PROS1: variants seen among roughly 807,000 people sequenced by gnomAD.
The protein encoded by PROS1 is vitamin K-dependent protein S.
In PROS1, 29 loss-of-function variants were observed where a neutral mutation model predicts 75.9. That is an observed-to-expected ratio of 0.38 (90% confidence interval 0.28 to 0.52). The LOEUF (loss-of-function observed/expected upper bound fraction) is 0.52, where lower values mean the gene tolerates loss of function less well. Ranked by LOEUF, PROS1 falls within the 20% of genes least tolerant of loss-of-function variation. PROS1 has a pLI of 0.83. For missense variants in PROS1, 680 were observed against 810.3 expected (o/e 0.84, Z 1.95); for synonymous variants, 245 against 280.6 (o/e 0.87, Z 1.27).
chr3:93,879,463 C>A (rs1708243763), intron 12 of PROS1, 149 bp from the exon 13 acceptor site: 29 of 1,064,754 alleles, frequency 2.7e-5, no homozygotes, highest in Non-Finnish European at 3.8e-5. Flanking sequence ...ATAACCTAGG[C>A]AAAACAAAAC....
chr3:93,924,902 C>T (rs1387270831), intron 2 of PROS1, among the ~76,000 whole-genome samples: 2 of 152,070 alleles, frequency 1.3e-5, no homozygotes, highest in Admixed American at 6.5e-5. Flanking sequence ...CTCCTGGGCT[C>T]AAGCGATCCT....
At chr3:93,968,496 G>T (rs1476837141) in intron 1 of PROS1, among the ~76,000 whole-genome samples, 1 of 152,140 alleles carries the variant, frequency 6.6e-6, no homozygotes, top group African/African-American at 2.4e-5. Context: ...ACTTTCTGTT[G>T]TTTAAACCAC....
chr3:93,905,879 C>T lies in PROS1; in HGVS notation c.506G>A (p.Gly169Glu). 1 of 1,613,104 alleles carries T rather than the reference C, an allele frequency of 6.2e-7. No homozygotes were observed. The highest frequency in any genetic ancestry group is 8.5e-7 in the Non-Finnish European group (1 of 1,179,186). Residue 169 changes from glycine (G) to glutamate (E), a missense_variant, in exon 6 of 15, where the codon GGA becomes GAA. By Grantham distance (98) the Gly-to-Glu change is moderately conservative. Transcript: ENST00000394236. ...ATTATCACAAATTTGACTGCAACCT[C>T]CATTTATATTTGAGGGATCTTTGCA... ...NECKDPSNINGGCSQICDNTP... is the reference protein window; with the variant it reads ...NECKDPSNINEGCSQICDNTP...
At chr3:93,946,937 C>T (rs1330413108) in intron 1 of PROS1, among the ~76,000 whole-genome samples, 1 of 151,516 alleles carries the variant, frequency 6.6e-6, no homozygotes, top group Non-Finnish European at 1.5e-5. Context: ...GGGCTAATAT[C>T]CAGAATCTAC....
Position 93,910,649 on chromosome 3 carries a change from C to A in PROS1, c.316G>T (p.Ala106Ser). ...ACACAGCTTCTTAGGTCAGGATAAGCATTAGTTGACTGACGTGCAGCAGTG... is the reference window on the plus strand; with the variant it reads ...ACACAGCTTCTTAGGTCAGGATAAGAATTAGTTGACTGACGTGCAGCAGTG... ...LFTAARQSTNAYPDLRSCVNA... is the reference protein window; with the variant it reads ...LFTAARQSTNSYPDLRSCVNA... The change falls in exon 4 of 15, where the codon GCT (alanine) becomes TCT (serine). Residue 106 changes from alanine to serine, a missense_variant. Physicochemically the swap from Ala to Ser is moderately conservative, Grantham distance 99. Transcript: ENST00000394236. The A allele has an allele frequency of 1.9e-6, 3 of 1,613,604 alleles. No individual in the cohort carries two copies. The highest frequency in any genetic ancestry group is 2.5e-6 in the Non-Finnish European group (3 of 1,179,694).
At chr3:93,905,656 A>G (rs1225849311) in intron 6 of PROS1, 128 bp downstream of exon 6, 26 of 1,005,778 alleles carry the variant, frequency 2.6e-5, no homozygotes, top group Non-Finnish European at 3.3e-5. Flanking sequence ...CAAGGCTTCA[A>G]TGTCGATAAA....
chr3:93,898,819 G>T (rs983850684), intron 7 of PROS1, among the ~76,000 whole-genome samples: 1 of 151,830 alleles, frequency 6.6e-6, no homozygotes, highest in Non-Finnish European at 1.5e-5. Context: ...ATTAAGTAAA[G>T]TATAACAATT....
chr3:93,873,961 A>G lies in PROS1; in HGVS notation c.*284T>C, dbSNP rs1708145686. On this transcript the variant is annotated 3_prime_UTR_variant, in exon 15 of 15. Transcript: ENST00000394236. ...GTTCATGATGATAAAATTAAAATTT[A>G]GTTTTACAAACAAAAATTGAAACTG... 1 of 347,992 alleles carries G rather than the reference A, an allele frequency of 2.9e-6. No homozygotes were observed. The highest frequency in any genetic ancestry group is 5.3e-6 in the Non-Finnish European group (1 of 187,924). 21.6% of individuals were successfully genotyped at this position (347,992 alleles called of 1,614,324 possible).
At chr3:93,939,323 C>T (rs193119173) in intron 1 of PROS1, among the ~76,000 whole-genome samples, 8 of 152,064 alleles carry the variant, frequency 5.3e-5, no homozygotes, top group African/African-American at 1.9e-4. Context: ...CCAAATCTTC[C>T]TTCTTTCCCT....
rs760123082 is a variant in PROS1, at chr3:93,874,337, C to T, written c.1939G>A (p.Val647Ile). The T allele has an allele frequency of 1.5e-5, 24 of 1,613,310 alleles. No individual in the cohort carries two copies. Among genetic ancestry groups the T allele is most frequent in the South Asian group, 6.6e-5 (6 of 91,062 alleles). ...NGCMEVNING[V>I]QLDLDEAISK... The stretch of plus-strand genomic sequence containing the variant: ...ATGGCTTCATCCAGATCCAACTGTA[C>T]ACCATTAATATTCACTTCCATGCAG... Residue 647 changes from valine (V) to isoleucine (I), a missense_variant, in exon 15 of 15, where the codon GTA becomes ATA. Transcript: ENST00000394236.
At chr3:93,960,858 A>T (rs528320377) in intron 1 of PROS1, among the ~76,000 whole-genome samples, 2 of 152,082 alleles carry the variant, frequency 1.3e-5, no homozygotes, top group South Asian at 4.2e-4. Context: ...GGGCTCTAAT[A>T]AAAGTAAAAA....
chr3:93,928,011 ATT>A (rs1196919400), intron 1 of PROS1, among the ~76,000 whole-genome samples: 1 of 44,468 alleles, frequency 2.2e-5, no homozygotes, highest in Non-Finnish European at 3.9e-5. Context: ...ATATATATAT[ATT>A]TTTTTTTTTT....
chr3:93,956,512 GTCTCTCTCTC>G (rs376634185), intron 1 of PROS1, among the ~76,000 whole-genome samples: 1 of 98,700 alleles, frequency 1.0e-5, no homozygotes, highest in Non-Finnish European at 2.1e-5. Context: ...CTCTCTCTCT[GTCTCTCTCTC>G]TCTCTCTCTC....
chr3:93,957,287 T>C (rs1462810517), intron 1 of PROS1, among the ~76,000 whole-genome samples: 2 of 152,192 alleles, frequency 1.3e-5, no homozygotes, highest in Admixed American at 6.5e-5. Context: ...TAAGAATATA[T>C]ATGTGTGGAC....
chr3:93,928,011 A>ATATATATTTT lies in PROS1; in HGVS notation c.77-605_77-604insAAAATATATA, dbSNP rs1235149837. Among the ~76,000 whole-genome samples the ATATATATTTT allele has an allele frequency of 1.8e-4, 8 of 44,458 alleles. 1 individual carries two copies. Among genetic ancestry groups the ATATATATTTT allele is most frequent in the Non-Finnish European group, 2.7e-4 (7 of 25,544 alleles). The allele number at this position is 44,458 out of a possible 152,430, so 29.2% of individuals were successfully genotyped here. ...TGTGTGTGTATATATATATATATATATTTTTTTTTTTTTTTTTTTTTGAGA... is the reference window on the plus strand; with the variant it reads ...TGTGTGTGTATATATATATATATATATATATATTTTTTTTTTTTTTTTTTTTTTTTTGAGA... On this transcript the variant is annotated intron_variant, in intron 1 of 14. Transcript: ENST00000394236.
intron 1 of PROS1, among the ~76,000 whole-genome samples, chr3:93,949,968 G>A (rs1245155862): frequency 6.6e-6 from 1 of 152,156 alleles, no homozygotes; most frequent in Non-Finnish European, 1.5e-5. Flanking sequence ...CTGGAAAATA[G>A]GGACACTCAC....
rs551323667 is a variant in PROS1, at chr3:93,887,214, G to A, written c.1156-711C>T. Among the ~76,000 whole-genome samples, 169 of 152,234 alleles carry A rather than the reference G, an allele frequency of 1.1e-3. 1 individual carries two copies. Among genetic ancestry groups the A allele is most frequent in the African/African-American group, 3.9e-3 (162 of 41,548 alleles). On this transcript the variant is annotated intron_variant, in intron 10 of 14. Transcript: ENST00000394236. ...ATTACAGGCGTGAGCCACCGCGCCC[G>A]GCCCATAAGTTCTTAATATAAAGTA...
At chr3:93,946,662 G>T (rs1709405298) in intron 1 of PROS1, among the ~76,000 whole-genome samples, 1 of 151,796 alleles carries the variant, frequency 6.6e-6, no homozygotes, top group South Asian at 2.1e-4. Context: ...AATTCAAGAT[G>T]GATTAAAGAC....
chr3:93,892,534 G>T (rs1708445561), intron 10 of PROS1, among the ~76,000 whole-genome samples: 1 of 151,012 alleles, frequency 6.6e-6, no homozygotes, highest in Non-Finnish European at 1.5e-5. Flanking sequence ...CAAAACAGGA[G>T]AATCACTTGA....
Sources: gnomAD v4.1 joint callset for allele counts (sites outside exome capture counted in the v4.1 genomes callset) on GRCh38, gnomAD v4.1.1 for gene constraint, MANE v1.5 for transcripts, NCBI Gene and HGNC (gene_info 2026-07-23, HGNC 2026-07-21) for gene names.